Variants in CNTN5 observed in about 807,000 individuals in gnomAD.
CNTN5 encodes the protein contactin-5.
In CNTN5, 77 loss-of-function variants were observed where a neutral mutation model predicts 129.1. The observed-to-expected ratio is 0.60, with a 90% CI of 0.50 to 0.72. The LOEUF is 0.72. Ranked by LOEUF, CNTN5 falls within the 30% of genes least tolerant of loss-of-function variation. The pLI, the probability that CNTN5 is intolerant of heterozygous loss-of-function variation, is 0.00. For synonymous variants in CNTN5, 509 were observed against 465.6 expected (o/e 1.09, Z -1.20); for missense variants, 1,478 against 1,328.8 (o/e 1.11, Z -1.75).
intron 1 of CNTN5, among the ~76,000 whole-genome samples, chr11:99,168,091 C>T (rs116562788): frequency 0.085 from 12,878 of 152,052 alleles, 598 homozygotes; most frequent in African/African-American, 0.1. Context: ...TACAAGCACA[C>T]ACCACCATGC....
chr11:99,183,257 A>G (rs917839827), intron 1 of CNTN5, among the ~76,000 whole-genome samples: 31 of 152,160 alleles, frequency 2.0e-4, no homozygotes, highest in African/African-American at 7.2e-4. Flanking sequence ...TTCCTCTGAT[A>G]CTGTCTATTG....
chr11:99,913,035 A>T (rs563724154), intron 6 of CNTN5, among the ~76,000 whole-genome samples: 1 of 152,094 alleles, frequency 6.6e-6, no homozygotes, highest in Non-Finnish European at 1.5e-5. Flanking sequence ...GCCAATATCT[A>T]TAAAAGCACT....
intron 13 of CNTN5, among the ~76,000 whole-genome samples, chr11:100,111,260 G>A (rs1355123630): frequency 6.6e-6 from 1 of 152,072 alleles, no homozygotes; most frequent in Non-Finnish European, 1.5e-5. Flanking sequence ...TAAAACCAGT[G>A]CCGTTTTTTG....
chr11:100,025,179 A>AT (rs1252597487), intron 9 of CNTN5, among the ~76,000 whole-genome samples: 1 of 152,214 alleles, frequency 6.6e-6, no homozygotes, highest in East Asian at 1.9e-4. Flanking sequence ...GGTGCCCTGC[A>AT]TCCCAGCTGT....
intron 3 of CNTN5, among the ~76,000 whole-genome samples, chr11:99,793,941 G>T (rs1182100098): frequency 6.6e-6 from 1 of 152,164 alleles, no homozygotes; most frequent in Non-Finnish European, 1.5e-5. Context: ...ATTAACTCAA[G>T]TGTTGAGTTC....
At chr11:99,883,624 A>T (rs1948826770) in intron 6 of CNTN5, among the ~76,000 whole-genome samples, 1 of 152,190 alleles carries the variant, frequency 6.6e-6, no homozygotes, top group African/African-American at 2.4e-5. Flanking sequence ...AACAGTGAAA[A>T]CAAAAATCCC....
rs115765156 is a variant in CNTN5 at position 100,276,060 on chromosome 11, C to G, written c.2314+4819C>G. On this transcript the variant is annotated intron_variant, in intron 18 of 24. Coordinates refer to ENST00000524871, the MANE Select transcript of CNTN5 (RefSeq NM_014361.4). ...GAGCTGCTTGGGAGAAAAAAGGTCT[C>G]ACATTAGGGATGTTGAATTGAAAGT... Among the ~76,000 whole-genome samples, 758 of 152,220 alleles carry G rather than the reference C, an allele frequency of 5.0e-3. 10 individuals are homozygous for G. Among genetic ancestry groups the G allele is most frequent in the African/African-American group, 0.017 (711 of 41,538 alleles).
At chr11:100,342,088 T>C (rs1363884867) in intron 23 of CNTN5, among the ~76,000 whole-genome samples, 2 of 151,888 alleles carry the variant, frequency 1.3e-5, no homozygotes, top group East Asian at 3.9e-4. Context: ...AATATTTTAA[T>C]TTCCATTAAT....
intron 1 of CNTN5, among the ~76,000 whole-genome samples, chr11:99,044,257 T>A (rs1263820102): frequency 1.3e-5 from 2 of 152,154 alleles, no homozygotes; most frequent in Non-Finnish European, 2.9e-5. Context: ...TAAACTAAGC[T>A]AACAAAATTC....
intron 3 of CNTN5, among the ~76,000 whole-genome samples, chr11:99,626,341 G>GT (rs1951131935): frequency 8.9e-6 from 1 of 112,130 alleles, no homozygotes; most frequent in Non-Finnish European, 1.8e-5. Flanking sequence ...ATGAGAAACT[G>GT]TTTTTTAACA....
intron 3 of CNTN5, among the ~76,000 whole-genome samples, chr11:99,647,746 G>A (rs928081800): frequency 1.3e-5 from 2 of 149,554 alleles, no homozygotes; most frequent in African/African-American, 4.9e-5. Context: ...TTTTTTGGAG[G>A]GACCTTTTAC....
intron 8 of CNTN5, among the ~76,000 whole-genome samples, chr11:99,980,114 G>C (rs1212249240): frequency 6.6e-6 from 1 of 151,302 alleles, no homozygotes; most frequent in Non-Finnish European, 1.5e-5. Context: ...TGTCATTTTA[G>C]GTATTAATTT....
chr11:99,251,537 A>T (rs753501401), intron 1 of CNTN5, among the ~76,000 whole-genome samples: 4 of 151,924 alleles, frequency 2.6e-5, no homozygotes, highest in Admixed American at 6.6e-5. Context: ...ATAAATGTAG[A>T]TGGCAACATT....
intron 1 of CNTN5, among the ~76,000 whole-genome samples, chr11:99,322,105 A>G (rs1419836472): frequency 6.6e-6 from 1 of 152,176 alleles, no homozygotes; most frequent in African/African-American, 2.4e-5. Context: ...AAAACAGAAT[A>G]CCGCAGACTG....
At chr11:99,073,084 G>A in intron 1 of CNTN5, among the ~76,000 whole-genome samples, 1 of 152,044 alleles carries the variant, frequency 6.6e-6, no homozygotes. Flanking sequence ...ACTTCTCATT[G>A]CTATATAGTA....
At chr11:99,402,261 A>G (rs6590088) in intron 2 of CNTN5, among the ~76,000 whole-genome samples, 112,666 of 151,746 alleles carry the variant, frequency 0.74, 42,615 homozygotes, top group African/African-American at 0.89. Flanking sequence ...CCAGTTTTTT[A>G]AGCATTTTTA....
At chr11:100,194,571 T>C (rs755446970) in intron 15 of CNTN5, among the ~76,000 whole-genome samples, 19 of 151,266 alleles carry the variant, frequency 1.3e-4, no homozygotes, top group Non-Finnish European at 1.5e-4. Context: ...CAGTGTCAAT[T>C]GGATTTTATT....
At chr11:99,570,484 GGGATAAAGATTACA>G (rs1220245635) in intron 3 of CNTN5, among the ~76,000 whole-genome samples, 1 of 152,124 alleles carries the variant, frequency 6.6e-6, no homozygotes, top group Non-Finnish European at 1.5e-5. Flanking sequence ...TTGTGTATTG[GGGATAAAGATTACA>G]GAGATCAAAG....
chr11:100,342,798 A>T (rs372726237), intron 23 of CNTN5, among the ~76,000 whole-genome samples: 4 of 152,090 alleles, frequency 2.6e-5, no homozygotes, highest in Non-Finnish European at 5.9e-5. Flanking sequence ...TCAAATATGT[A>T]TTTTTTTCTA....
Sources: allele counts gnomAD v4.1 joint callset (sites outside exome capture counted in the v4.1 genomes callset), GRCh38; gene constraint gnomAD v4.1.1; transcripts MANE v1.5; gene names NCBI Gene and HGNC (gene_info 2026-07-23, HGNC 2026-07-21).